The following ACBD5 variants were observed in gnomAD, a reference collection of about 807,000 sequenced individuals.
ACBD5 encodes acyl-CoA binding domain containing 5.
Under a neutral mutation model 71.8 loss-of-function variants are expected in ACBD5, and 40 were observed. That is an observed-to-expected ratio of 0.56 (90% CI 0.43 to 0.72). ACBD5 has a LOEUF of 0.72. Ranked by LOEUF, ACBD5 falls within the 30% of genes least tolerant of loss-of-function variation. The pLI is 0.00. For synonymous variants in ACBD5, 229 were observed against 218.6 expected (o/e 1.05, Z -0.42); for missense variants, 559 against 644.5 (o/e 0.87, Z 1.44).
At chr10:27,189,671 C>A (rs889108827) in intron 13 of ACBD5, among the ~76,000 whole-genome samples, 1 of 150,024 alleles carries the variant, frequency 6.7e-6, no homozygotes, top group African/African-American at 2.5e-5. Context: ...ATGTAAATGA[C>A]GAGTTAATGG....
chr10:27,203,136 G>A (rs2060106912), intron 12 of ACBD5, among the ~76,000 whole-genome samples: 1 of 151,618 alleles, frequency 6.6e-6, no homozygotes, highest in South Asian at 2.1e-4. Context: ...CACCAACCTG[G>A]CTAATTTTTT....
chr10:27,204,781 G>T (rs2060287596), intron 11 of ACBD5, among the ~76,000 whole-genome samples: 2 of 152,172 alleles, frequency 1.3e-5, no homozygotes, highest in African/African-American at 4.8e-5. Flanking sequence ...TGCAAAGGTA[G>T]ATTTCATTTG....
downstream of ACBD5, among the ~76,000 whole-genome samples, chr10:27,194,176 G>C (rs529288440): frequency 1.1e-4 from 16 of 151,354 alleles, no homozygotes; most frequent in South Asian, 2.1e-4. Context: ...ACTTGAACCT[G>C]GGAGGTGGAG....
intron 12 of ACBD5, 124 bp from the exon 13 acceptor site, chr10:27,197,566 T>C (rs976755129): frequency 9.4e-6 from 7 of 742,922 alleles, no homozygotes; most frequent in East Asian, 5.5e-5. Flanking sequence ...ACAGTCTTTA[T>C]AGAACTACAT....
At position 27,218,109 on chromosome 10, in the gene ACBD5, C is replaced by T. The variant is rs763450338; in HGVS notation, c.700G>A (p.Gly234Ser). 6.2e-7 allele frequency: 1 copy of T among 1,614,058 alleles called. No homozygotes were observed. The highest frequency in any genetic ancestry group is 1.1e-5 in the South Asian group (1 of 91,082). Residue 234 changes from glycine to serine, a missense_variant, in exon 7 of 13, where the codon GGC becomes AGC. Physicochemically the swap from Gly to Ser is moderately conservative, Grantham distance 56. Coordinates refer to ENST00000396271, the MANE Select transcript of ACBD5 (RefSeq NM_145698.5). ...TCATTCTGTATATCCTGAACAAAGC[C>T]ATCTTTATCATAGCCATTAGTGACA... ...VIVTNGYDKD[G>S]FVQDIQNDIH...
At chr10:27,222,639 C>T (rs1232883251) in intron 5 of ACBD5, among the ~76,000 whole-genome samples, 1 of 151,534 alleles carries the variant, frequency 6.6e-6, no homozygotes, top group Non-Finnish European at 1.5e-5. Context: ...AGAGTGATCT[C>T]GTCTCACTGC....
rs921158342 is a variant in ACBD5, at chr10:27,229,835, C to T, written c.375+1913G>A. 6.6e-5 allele frequency among the ~76,000 whole-genome samples: 10 copies of T among 152,126 alleles called. No individual in the cohort carries two copies. The South Asian group carries it at 1.0e-3, about 16-fold the overall frequency. On this transcript the variant is annotated intron_variant, in intron 4 of 12. Coordinates refer to ENST00000396271, the MANE Select transcript of ACBD5 (RefSeq NM_145698.5). ...TGTAAACTTTGTCATATTCACAATA[C>T]GCAATGAAATTTTTAAAGTGTGAAT... is the stretch of plus-strand genomic sequence containing the variant.
At chr10:27,238,920 G>A (rs2065107423) in intron 2 of ACBD5, among the ~76,000 whole-genome samples, 1 of 152,132 alleles carries the variant, frequency 6.6e-6, no homozygotes. Context: ...TTATTGGGCC[G>A]GGCGCGGTGG....
intron 3 of ACBD5, among the ~76,000 whole-genome samples, chr10:27,233,620 A>T (rs1044872708): frequency 6.6e-6 from 1 of 152,108 alleles, no homozygotes; most frequent in Non-Finnish European, 1.5e-5. Flanking sequence ...AGGGCGGCTG[A>T]GGTGGGAGAA....
At chr10:27,183,096 T>C (rs554585425) in intron 13 of ACBD5, among the ~76,000 whole-genome samples, 1 of 152,340 alleles carries the variant, frequency 6.6e-6, no homozygotes, top group East Asian at 1.9e-4. Context: ...TTCTGTAATT[T>C]CTTATTGCTT....
At chr10:27,237,971 G>A (rs1396776254) in intron 2 of ACBD5, among the ~76,000 whole-genome samples, 1 of 145,912 alleles carries the variant, frequency 6.9e-6, no homozygotes, top group Non-Finnish European at 1.5e-5. Context: ...TTATTTTTTC[G>A]GAGACGGAGT....
rs930847603 is a variant in ACBD5, at chr10:27,195,959, T to C, written c.*1471A>G. ...GGCTCACGCCTCTAATCCCAGCACTTTGGGAGGCCGAGGCAGGCAGATCAC... is the reference window on the plus strand; with the variant it reads ...GGCTCACGCCTCTAATCCCAGCACTCTGGGAGGCCGAGGCAGGCAGATCAC... On this transcript the variant is annotated 3_prime_UTR_variant, in exon 13 of 13. Coordinates refer to ENST00000396271, the MANE Select transcript of ACBD5 (RefSeq NM_145698.5). 2.3e-6 allele frequency: 1 copy of C among 438,830 alleles called. No individual in the cohort carries two copies. Among genetic ancestry groups the C allele is most frequent in the Non-Finnish European group, 4.5e-6 (1 of 222,096 alleles). 27.2% of individuals were successfully genotyped at this position (438,830 alleles called of 1,614,324 possible). A position where few individuals can be genotyped will look rare whatever the true frequency, so the allele number is the denominator to read the frequency against.
chr10:27,188,315 C>T (rs1290840615), intron 13 of ACBD5, among the ~76,000 whole-genome samples: 2 of 152,118 alleles, frequency 1.3e-5, no homozygotes, highest in Non-Finnish European at 2.9e-5. Context: ...TATCTATTAT[C>T]CTTTTATGGT....
intron 10 of ACBD5, among the ~76,000 whole-genome samples, chr10:27,206,490 A>C (rs1220586627): frequency 6.6e-6 from 1 of 151,870 alleles, no homozygotes; most frequent in Non-Finnish European, 1.5e-5. Flanking sequence ...GGTGGTGTGC[A>C]CCTGTAGTTC....
At chr10:27,215,735 T>C in intron 7 of ACBD5, 94 bp from the exon 8 acceptor site, 2 of 907,634 alleles carry the variant, frequency 2.2e-6, no homozygotes, top group South Asian at 2.8e-5. Context: ...AGTCTTGCTC[T>C]GTTGCCCAGG....
intron 13 of ACBD5, among the ~76,000 whole-genome samples, chr10:27,188,770 A>T (rs1194489968): frequency 6.6e-6 from 1 of 152,194 alleles, no homozygotes; most frequent in East Asian, 1.9e-4. Flanking sequence ...AGATTCAGAC[A>T]CTTGCTAGGG....
Position 27,210,814 on chromosome 10 carries a change from C to T in ACBD5, c.1204G>A (p.Gly402Arg), listed in dbSNP as rs2060993315. 6.2e-7 allele frequency: 1 copy of T among 1,614,130 alleles called. No homozygotes were observed. The highest frequency in any genetic ancestry group is 2.2e-5 in the East Asian group (1 of 44,884). Reference sequence around the variant, plus strand: ...AGGGAAGAAAAAAGGTAATCCACACCTCTTCCTCTTCTAACATTAGAGAAT... The same window carrying T: ...AGGGAAGAAAAAAGGTAATCCACACTTCTTCCTCTTCTAACATTAGAGAAT... ...DEFSNVRRGR[G>R]HRMQHLSEGT... The change falls in exon 9 of 13, where the codon GGA (glycine) becomes AGA (arginine). Residue 402 changes from glycine (G) to arginine (R), a missense_variant and splice_region_variant. Coordinates refer to ENST00000396271, the MANE Select transcript of ACBD5 (RefSeq NM_145698.5).
intron 8 of ACBD5, among the ~76,000 whole-genome samples, chr10:27,215,171 C>CA (rs138064304): frequency 0.073 from 10,972 of 151,192 alleles, 757 homozygotes; most frequent in African/African-American, 0.18. Context: ...CTCTAAAAAA[C>CA]AAAAAAAACA....
At chr10:27,215,724 G>C in intron 7 of ACBD5, 83 bp from the exon 8 acceptor site, 2 of 1,015,382 alleles carry the variant, frequency 2.0e-6, no homozygotes, top group Non-Finnish European at 1.5e-6. Context: ...TTTTGAGATG[G>C]AGTCTTGCTC....
Sources: allele counts gnomAD v4.1 joint callset (sites outside exome capture counted in the v4.1 genomes callset), GRCh38; gene constraint gnomAD v4.1.1; transcripts MANE v1.5; gene names NCBI Gene and HGNC (gene_info 2026-07-23, HGNC 2026-07-21).